The following CLCA2 variants were observed in gnomAD, a reference collection of about 807,000 sequenced individuals.
CLCA2 encodes the protein calcium-activated chloride channel regulator 2.
Under a neutral mutation model 82.9 loss-of-function variants are expected in CLCA2, and 85 were observed. The observed-to-expected ratio is 1.03, with a 90% CI of 0.86 to 1.23. The LOEUF is 1.23. Among genes scored for constraint, CLCA2 ranks in the 50% most tolerant of loss-of-function variants. The probability of loss-of-function intolerance (pLI) is 0.00; values close to 1 mark genes in which losing one functional copy is unlikely to be tolerated. For missense variants in CLCA2, 1,089 were observed against 1,124.8 expected, an observed-to-expected ratio of 0.97 and a Z score of 0.45; for synonymous variants, 421 against 391.7, an observed-to-expected ratio of 1.07 and a Z score of -0.88.
At chr1:86,434,973 A>G (rs996462324) in intron 6 of CLCA2, among the ~76,000 whole-genome samples, 4 of 152,162 alleles carry the variant, frequency 2.6e-5, no homozygotes, top group African/African-American at 9.7e-5. Context: ...GCTGTCACCC[A>G]GGCTGGAGTG....
intron 11 of CLCA2, among the ~76,000 whole-genome samples, chr1:86,448,810 A>G (rs925825769): frequency 1.3e-5 from 2 of 152,196 alleles, no homozygotes; most frequent in African/African-American, 2.4e-5. Context: ...ATTGGATCCA[A>G]ATGAACTTCT....
At chr1:86,438,772 A>G (rs1308940621) in intron 6 of CLCA2, 104 bp from the exon 7 acceptor site, 2 of 904,060 alleles carry the variant, frequency 2.2e-6, no homozygotes, top group Non-Finnish European at 3.4e-6. Flanking sequence ...ATGATCCAAC[A>G]TCTCTAAAGA....
intron 4 of CLCA2, among the ~76,000 whole-genome samples, chr1:86,431,581 T>G (rs57210989): frequency 0.28 from 42,530 of 152,012 alleles, 6,472 homozygotes; most frequent in Non-Finnish European, 0.34. Flanking sequence ...TCTCCTACAA[T>G]TGCCACTGTT....
intron 11 of CLCA2, chr1:86,448,413 A>G (rs1359563677): frequency 1.3e-5 from 2 of 152,536 alleles, no homozygotes; most frequent in Admixed American, 6.5e-5. Flanking sequence ...CATTCTGCAC[A>G]TACAGCATTC....
At chr1:86,430,450 A>G (rs1353153967) in intron 3 of CLCA2, among the ~76,000 whole-genome samples, 3 of 152,184 alleles carry the variant, frequency 2.0e-5, no homozygotes, top group Non-Finnish European at 4.4e-5. Context: ...TAGCTCAGAC[A>G]GAAGATTAGG....
At chr1:86,433,822 G>A (rs1029605895) in intron 5 of CLCA2, among the ~76,000 whole-genome samples, 4 of 152,142 alleles carry the variant, frequency 2.6e-5, no homozygotes, top group African/African-American at 9.7e-5. Context: ...AAGTTTCCAT[G>A]GCTCTGTTAA....
At chr1:86,448,778 G>A (rs559606938) in intron 11 of CLCA2, among the ~76,000 whole-genome samples, 2 of 152,338 alleles carry the variant, frequency 1.3e-5, no homozygotes, top group African/African-American at 4.8e-5. Flanking sequence ...TACCAGAGAA[G>A]TCTTCTTGTT....
chr1:86,437,261 G>T (rs925428567), intron 6 of CLCA2, among the ~76,000 whole-genome samples: 5 of 152,162 alleles, frequency 3.3e-5, no homozygotes, highest in Admixed American at 6.5e-5. Flanking sequence ...TGGCCTGAGG[G>T]ATATGGAGAT....
intron 12 of CLCA2, among the ~76,000 whole-genome samples, chr1:86,451,248 T>C (rs1427460956): frequency 6.6e-6 from 1 of 152,206 alleles, no homozygotes; most frequent in Non-Finnish European, 1.5e-5. Flanking sequence ...AAATGGAAGA[T>C]AGTTATCTTT....
intron 13 of CLCA2, among the ~76,000 whole-genome samples, 181 bp downstream of exon 13, chr1:86,453,783 G>A (rs940565243): frequency 6.6e-6 from 1 of 152,150 alleles, no homozygotes; most frequent in African/African-American, 2.4e-5. Flanking sequence ...GGAATGAGGA[G>A]GCCCTGGCTA....
intron 9 of CLCA2, among the ~76,000 whole-genome samples, chr1:86,443,338 T>C (rs1662776713): frequency 6.6e-6 from 1 of 152,246 alleles, no homozygotes; most frequent in Admixed American, 6.5e-5. Context: ...CTAAATAATT[T>C]TTTAACGTAG....
chr1:86,440,412 T>C (rs1662704117), intron 8 of CLCA2, 87 bp downstream of exon 8: 1 of 1,158,686 alleles, frequency 8.6e-7, no homozygotes, highest in Admixed American at 2.7e-5. Context: ...ATTATATGGC[T>C]TAATTGAAAA....
Position 86,424,197 on chromosome 1 carries a change from A to T in CLCA2, c.-51A>T. On this transcript the variant is annotated 5_prime_UTR_variant, in exon 1 of 14. Coordinates refer to ENST00000370565, the MANE Select transcript of CLCA2 (RefSeq NM_006536.7). Reference sequence around the variant, plus strand: ...TCTGCATCCATATTGAAAACCTGACACAATGTATGCAGCAGGCTCAGTGTG... The same window carrying T: ...TCTGCATCCATATTGAAAACCTGACTCAATGTATGCAGCAGGCTCAGTGTG... 6.5e-7 allele frequency: 1 copy of T among 1,531,958 alleles called. No individual in the cohort carries two copies. Among genetic ancestry groups the T allele is most frequent in the Non-Finnish European group, 8.8e-7 (1 of 1,135,766 alleles). The allele number at this position is 1,531,958 out of a possible 1,614,324, so 94.9% of individuals were successfully genotyped here.
chr1:86,445,496 G>A (rs1397052179), intron 10 of CLCA2: 1 of 151,140 alleles, frequency 6.6e-6, no homozygotes, highest in Admixed American at 6.6e-5. Context: ...AAGGTCAAAG[G>A]CAACAATAAA....
rs746814508 is a variant in CLCA2, at chr1:86,455,224, T to C, written c.2529T>C (p.Ile843=). The C allele has an allele frequency of 6.2e-7, 1 of 1,614,120 alleles. No individual in the cohort carries two copies. The change falls in exon 14 of 14, where the codon ATT becomes ATC. Residue 843 remains isoleucine (I), a synonymous_variant. Coordinates refer to ENST00000370565, the MANE Select transcript of CLCA2 (RefSeq NM_006536.7). ...AGATATTTACGTTCTCACCCCAAAT[T>C]TCCACGAATGGACCTGAACATCAGC... ...IREIFTFSPQ[I]STNGPEHQPN... is the part of the protein sequence containing the mutation.
At position 86,432,403 on chromosome 1, in the gene CLCA2, G is replaced by C. The variant is rs1662519507; in HGVS notation, c.619G>C (p.Glu207Gln). Residue 207 changes from glutamate (E) to glutamine (Q), a missense_variant, in exon 5 of 14, where the codon GAA becomes CAA. Transcript: ENST00000370565. ...TGACATCACAGGCATTTTTGTGTGTGAAAAAGGTCCTTGCCCCCAAGAAAA... is the reference window on the plus strand; with the variant it reads ...TGACATCACAGGCATTTTTGTGTGTCAAAAAGGTCCTTGCCCCCAAGAAAA... ...SSDITGIFVC[E>Q]KGPCPQENCI... 4 of 1,613,712 alleles carry C rather than the reference G, an allele frequency of 2.5e-6. No homozygotes were observed. The highest frequency in any genetic ancestry group is 2.7e-5 in the African/African-American group (2 of 74,868).
At chr1:86,440,572 T>G (rs1662708169) in intron 8 of CLCA2, among the ~76,000 whole-genome samples, 1 of 152,154 alleles carries the variant, frequency 6.6e-6, no homozygotes. Flanking sequence ...AGTGTGAGCA[T>G]GCATAATCAT....
At chr1:86,448,916 G>A (rs1348480738) in intron 11 of CLCA2, among the ~76,000 whole-genome samples, 1 of 152,210 alleles carries the variant, frequency 6.6e-6, no homozygotes, top group East Asian at 1.9e-4. Context: ...GCCCCACCCT[G>A]TGGGCCAGCC....
intron 12 of CLCA2, among the ~76,000 whole-genome samples, chr1:86,451,400 A>G (rs1662960927): frequency 6.6e-6 from 1 of 152,220 alleles, no homozygotes; most frequent in Non-Finnish European, 1.5e-5. Flanking sequence ...CAGATTCTTT[A>G]TAAATATTAT....
Sources: gnomAD v4.1 joint callset for allele counts (sites outside exome capture counted in the v4.1 genomes callset) on GRCh38, gnomAD v4.1.1 for gene constraint, MANE v1.5 for transcripts, NCBI Gene and HGNC (gene_info 2026-07-23, HGNC 2026-07-21) for gene names.